Variants in C16orf96 observed in about 807,000 individuals in gnomAD.
C16orf96 encodes uncharacterized protein C16orf96.
In C16orf96, 108 loss-of-function variants were observed where a neutral mutation model predicts 103.6. The observed-to-expected ratio is 1.04, with a 90% CI of 0.89 to 1.22. C16orf96 has a LOEUF of 1.22. Among genes scored for constraint, C16orf96 ranks in the 50% most tolerant of loss-of-function variants. The pLI is 0.00. For missense variants in C16orf96, 1,586 were observed against 1,464.2 expected (o/e 1.08, Z -1.36); for synonymous variants, 566 against 593.5 (o/e 0.95, Z 0.67).
Position 4,563,475 on chromosome 16 carries a change from G to A in C16orf96, c.420+6566G>A, listed in dbSNP as rs549121494. 1.4e-3 allele frequency among the ~76,000 whole-genome samples: 216 copies of A among 152,268 alleles called. 2 individuals are homozygous for A. The Middle Eastern group carries it at 0.031, about 22-fold the overall frequency. Reference sequence around the variant, plus strand: ...TTGCCATGTTCCCCAGGCTGGTCTCGAACTCTTGAGCTCAAGTAATCCTCC... The same window carrying A: ...TTGCCATGTTCCCCAGGCTGGTCTCAAACTCTTGAGCTCAAGTAATCCTCC... On this transcript the variant is annotated intron_variant, in intron 1 of 15. Coordinates refer to ENST00000444310, the MANE Select transcript of C16orf96 (RefSeq NM_001145011.2).
chr16:4,555,682 C>A (rs1004919312), upstream of C16orf96, among the ~76,000 whole-genome samples: 1 of 149,034 alleles, frequency 6.7e-6, no homozygotes, highest in Non-Finnish European at 1.5e-5. Flanking sequence ...TTTCTCTTTT[C>A]TTTTTCTTTT....
intron 5 of C16orf96, 114 bp from the exon 6 acceptor site, chr16:4,578,826 C>G (rs1169623015): frequency 1.7e-6 from 1 of 595,756 alleles, no homozygotes; most frequent in Non-Finnish European, 3.0e-6. Context: ...AGGCCCAGTG[C>G]ATTTCCACTG....
the C16orf96 span, among the ~76,000 whole-genome samples, chr16:4,547,693 T>C: frequency 0.12 from 3,614 of 30,780 alleles, 72 homozygotes; most frequent in Middle Eastern, 0.18. Context: ...TCCTTCCTTC[T>C]TTCTTTCTTT....
intron 1 of C16orf96, among the ~76,000 whole-genome samples, chr16:4,557,276 T>A (rs1269150416): frequency 2.0e-5 from 3 of 152,042 alleles, no homozygotes; most frequent in Admixed American, 6.6e-5. Context: ...AGCCTTCTCC[T>A]GGGACATCTT....
At chr16:4,567,239 T>C (rs2059391505) in intron 1 of C16orf96, among the ~76,000 whole-genome samples, 1 of 151,878 alleles carries the variant, frequency 6.6e-6, no homozygotes, top group South Asian at 2.1e-4. Context: ...AGTTTCTAAT[T>C]TCTATTTCTA....
rs74005373 is a variant in C16orf96 at position 4,599,865 on chromosome 16, C to T, written c.3209-235C>T. 4.2e-3 allele frequency among the ~76,000 whole-genome samples: 633 copies of T among 152,308 alleles called. 4 individuals carry two copies. The highest frequency in any genetic ancestry group is 0.014 in the African/African-American group (577 of 41,564). ...GGACTCCAAGCTTCATGTTCTCTCC[C>T]GGGGGCTCTGCTCCATTTAAGCAAA... On this transcript the variant is annotated intron_variant, in intron 15 of 15. Transcript: ENST00000444310.
At chr16:4,577,650 CA>C (rs950795985) in intron 5 of C16orf96, among the ~76,000 whole-genome samples, 27 of 136,430 alleles carry the variant, frequency 2.0e-4, no homozygotes, top group Middle Eastern at 5.0e-3. Context: ...GACTCCGTCT[CA>C]AAAAAAAAAA....
intron 7 of C16orf96, among the ~76,000 whole-genome samples, chr16:4,585,312 A>AAAAAG (rs60726283): frequency 0.03 from 3,325 of 109,884 alleles, 577 homozygotes; most frequent in Middle Eastern, 0.12. Context: ...AAAAAAAAAA[A>AAAAAG]TCCAGGTAGG....
At chr16:4,582,044 G>A (rs2059594589) in intron 7 of C16orf96, among the ~76,000 whole-genome samples, 1 of 152,168 alleles carries the variant, frequency 6.6e-6, no homozygotes, top group African/African-American at 2.4e-5. Flanking sequence ...CACTTTGGGA[G>A]GCTGAGGCAG....
At chr16:4,584,613 C>T (rs1170619241) in intron 7 of C16orf96, among the ~76,000 whole-genome samples, 1 of 151,496 alleles carries the variant, frequency 6.6e-6, no homozygotes, top group African/African-American at 2.4e-5. Context: ...TGGCTTACTG[C>T]AACATCTGCC....
At chr16:4,561,303 A>G (rs1463941544) in intron 1 of C16orf96, 1 of 152,182 alleles carries the variant, frequency 6.6e-6, no homozygotes, top group Non-Finnish European at 1.5e-5. Flanking sequence ...GCGAAACTCC[A>G]TCTCAAAAAA....
At chr16:4,599,101 A>AG (rs1241987144) in intron 14 of C16orf96, among the ~76,000 whole-genome samples, 183 bp from the exon 15 acceptor site, 2 of 151,338 alleles carry the variant, frequency 1.3e-5, no homozygotes, top group African/African-American at 2.4e-5. Context: ...CCCTGCCTCA[A>AG]GAAAAAAAAA....
chr16:4,564,568 T>C (rs1390066519), intron 1 of C16orf96, among the ~76,000 whole-genome samples: 1 of 152,162 alleles, frequency 6.6e-6, no homozygotes, highest in African/African-American at 2.4e-5. Flanking sequence ...CCCAGCACTT[T>C]GGGAGGCTGA....
Position 4,556,920 on chromosome 16 carries a change from A to T in C16orf96, c.420+11A>T, listed in dbSNP as rs780175080. On this transcript the variant is annotated intron_variant, in intron 1 of 15. Transcript: ENST00000444310. ...GAAGTCATGGCCAAGGTACGCCCCC[A>T]GCCTCCAGACACTTCTTTTCCTCCC... 2 of 1,529,840 alleles carry T rather than the reference A, an allele frequency of 1.3e-6. No homozygotes were observed. The highest frequency in any genetic ancestry group is 2.4e-5 in the South Asian group (2 of 82,722). 94.8% of individuals were successfully genotyped at this position (1,529,840 alleles called of 1,614,324 possible).
rs564536935 is a variant in C16orf96 at position 4,594,413 on chromosome 16, G to T, written c.2930G>T (p.Gly977Val). Residue 977 changes from glycine (G) to valine (V), a missense_variant, in exon 13 of 16, where the codon GGT becomes GTT. Transcript: ENST00000444310. ...CAGGAGGATTGTCAGCAGGACTGGG[G>T]TGATGGCCCCCAAAACGCCACCAGC... is the stretch of plus-strand genomic sequence containing the variant. ...GIQEDCQQDWGDGPQNATSLK... is the reference protein window; with the variant it reads ...GIQEDCQQDWVDGPQNATSLK... The T allele has an allele frequency of 1.2e-5, 19 of 1,551,442 alleles. No homozygotes were observed. In the Admixed American group the frequency reaches 3.5e-4, roughly 29 times the overall value.
At chr16:4,547,689 C>CTTCCTTCCTTCTTTCTTTCTTTCT in the C16orf96 span, among the ~76,000 whole-genome samples, 58 of 22,538 alleles carry the variant, frequency 2.6e-3, no homozygotes, top group Admixed American at 0.01. Flanking sequence ...TCCTTCCTTC[C>CTTCCTTCCTTCTTTCTTTCTTTCT]TTCTTTCTTT....
At chr16:4,566,252 G>A (rs2059384425) in intron 1 of C16orf96, among the ~76,000 whole-genome samples, 1 of 152,166 alleles carries the variant, frequency 6.6e-6, no homozygotes, top group African/African-American at 2.4e-5. Flanking sequence ...GTGAGGAACT[G>A]CCACACTGAC....
chr16:4,580,314 C>CCA (rs1287266947), intron 7 of C16orf96, among the ~76,000 whole-genome samples, 189 bp downstream of exon 7: 1 of 125,376 alleles, frequency 8.0e-6, no homozygotes, highest in Non-Finnish European at 1.7e-5. Context: ...CCCACCACCC[C>CCA]CCCCCACCCA....
chr16:4,584,778 C>T (rs529841441), intron 7 of C16orf96, among the ~76,000 whole-genome samples: 9 of 152,222 alleles, frequency 5.9e-5, no homozygotes, highest in Non-Finnish European at 1.0e-4. Context: ...AGGTGATTTG[C>T]CTGCCTCGGC....
Sources: gnomAD v4.1 joint callset for allele counts (sites outside exome capture counted in the v4.1 genomes callset) on GRCh38, gnomAD v4.1.1 for gene constraint, MANE v1.5 for transcripts, NCBI Gene and HGNC (gene_info 2026-07-23, HGNC 2026-07-21) for gene names.